The following TCL1A variants were observed in gnomAD, a reference collection of about 807,000 sequenced individuals.
TCL1A encodes the protein T-cell leukemia/lymphoma protein 1A.
A neutral mutation model predicts 16.9 loss-of-function variants in TCL1A; 9 were observed. The observed-to-expected ratio is 0.53, with a 90% CI of 0.32 to 0.93. TCL1A has a LOEUF of 0.93. TCL1A is among the 40% of genes least tolerant of loss of function. The pLI is 0.04. For missense variants in TCL1A, 139 were observed against 153.0 expected (o/e 0.91, Z 0.48); for synonymous variants, 69 against 63.2 (o/e 1.09, Z -0.44).
At chr14:95,712,420 C>A in intron 1 of TCL1A, 24 bp from the exon 2 acceptor site, 1 of 1,574,860 alleles carries the variant, frequency 6.3e-7, no homozygotes, top group South Asian at 1.2e-5. Flanking sequence ...AAGGACAGGG[C>A]ATACTTTCAG....
chr14:95,711,070 C>T (rs1438653638), intron 3 of TCL1A, among the ~76,000 whole-genome samples, 189 bp from the exon 4 acceptor site: 2 of 152,112 alleles, frequency 1.3e-5, no homozygotes, highest in Admixed American at 6.5e-5. Flanking sequence ...TACTTCAACT[C>T]ATTTCTGAGT....
rs759883480 is a variant in TCL1A at position 95,711,765 on chromosome 14, GGCA to G, written c.332_334del (p.Leu111del). 244 of 1,613,118 alleles carry G rather than the reference GGCA, an allele frequency of 1.5e-4. 1 individual carries two copies. Among genetic ancestry groups the G allele is most frequent in the Non-Finnish European group, 1.9e-4 (225 of 1,179,978 alleles). ...GGAGCTCACCATACATCAGTCATCT[GGCA>G]GCAGCTCGAGAAGCATGTCCTCCAC... On this transcript the variant is annotated inframe_deletion, in exon 3 of 4. Transcript: ENST00000402399.
chr14:95,713,558 G>A (rs922554193), intron 1 of TCL1A, among the ~76,000 whole-genome samples: 1 of 152,166 alleles, frequency 6.6e-6, no homozygotes, highest in Non-Finnish European at 1.5e-5. Flanking sequence ...CTAAACTGTT[G>A]AGGGTTCTTT....
intron 1 of TCL1A, among the ~76,000 whole-genome samples, chr14:95,713,728 CA>C (rs762516201): frequency 6.6e-6 from 1 of 152,192 alleles, no homozygotes; most frequent in Non-Finnish European, 1.5e-5. Context: ...GCACTGGGTC[CA>C]CCCCTTTGAC....
rs561192375 is a variant in TCL1A at position 95,713,157 on chromosome 14, C to A, written c.121-761G>T. On this transcript the variant is annotated intron_variant, in intron 1 of 3. Coordinates refer to ENST00000402399, the MANE Select transcript of TCL1A (RefSeq NM_021966.3). ...TACCTACTAGCAATCTTACCTCGGA[C>A]AAATGTACATTTTTGTGCCTCAGTT... Among the ~76,000 whole-genome samples, 963 of 152,320 alleles carry A rather than the reference C, an allele frequency of 6.3e-3. 13 individuals are homozygous for A. The highest frequency in any genetic ancestry group is 9.7e-3 in the Non-Finnish European group (659 of 68,036).
intron 3 of TCL1A, 105 bp downstream of exon 3, chr14:95,711,644 C>A: frequency 7.5e-7 from 1 of 1,325,698 alleles, no homozygotes. Context: ...CCTCAGATGG[C>A]AGCAGTCGGG....
rs975684815 is a variant in TCL1A, at chr14:95,712,238, G to C, written c.279C>G (p.Arg93=). ...CACTCACCTTGATGTGGTACACTAA[G>C]CGCCAGAAACTGGAGTCTGAGGATC... ...RYRSSDSSFW[R]LVYHIKIDGV... is the part of the protein sequence containing the mutation. The change falls in exon 2 of 4, where the codon CGC becomes CGG. Residue 93 remains arginine (R), a synonymous_variant. Coordinates refer to ENST00000402399, the MANE Select transcript of TCL1A (RefSeq NM_021966.3). 10 of 1,614,022 alleles carry C rather than the reference G, an allele frequency of 6.2e-6. No homozygotes were observed. The African/African-American group carries it at 1.2e-4, about 19-fold the overall frequency.
rs142205645 is a variant in TCL1A at position 95,711,811 on chromosome 14, CAG to C, written c.298-11_298-10del. 3.8e-3 allele frequency: 5,125 copies of C among 1,340,946 alleles called. No individual in the cohort carries two copies. The highest frequency in any genetic ancestry group is 0.01 in the Admixed American group (499 of 49,090). The allele number at this position is 1,340,946 out of a possible 1,614,324, so 83.1% of individuals were successfully genotyped here. A position where few individuals can be genotyped will look rare whatever the true frequency, so the allele number is the denominator to read the frequency against. On this transcript the variant is annotated splice_polypyrimidine_tract_variant and intron_variant, in intron 2 of 3. Transcript: ENST00000402399. ...TCCTCCACGCCGTCAATCTGAGAGG[CAG>C]AGAGAGAGAGAAGGCATTGATCGGC...
At chr14:95,712,441 C>T in intron 1 of TCL1A, 45 bp from the exon 2 acceptor site, 1 of 1,555,470 alleles carries the variant, frequency 6.4e-7, no homozygotes, top group Non-Finnish European at 8.7e-7. Flanking sequence ...GTTCCGCTTG[C>T]CAGGGCTTCT....
At chr14:95,713,533 T>C (rs1886441608) in intron 1 of TCL1A, among the ~76,000 whole-genome samples, 1 of 152,328 alleles carries the variant, frequency 6.6e-6, no homozygotes, top group East Asian at 1.9e-4. Flanking sequence ...CAGTGTTTGC[T>C]ATGCCTGGTT....
At chr14:95,713,207 C>T (rs182521834) in intron 1 of TCL1A, among the ~76,000 whole-genome samples, 1 of 152,270 alleles carries the variant, frequency 6.6e-6, no homozygotes, top group Non-Finnish European at 1.5e-5. Flanking sequence ...ACACAGTCAA[C>T]ACTCAATAAT....
At position 95,711,837 on chromosome 14, in the gene TCL1A, G is replaced by C. The variant is rs1296539643; in HGVS notation, c.298-35C>G. 3.1e-6 allele frequency: 5 copies of C among 1,601,682 alleles called. No individual in the cohort carries two copies. In the South Asian group the frequency reaches 5.5e-5, roughly 18 times the overall value. On this transcript the variant is annotated intron_variant, in intron 2 of 3. Coordinates refer to ENST00000402399, the MANE Select transcript of TCL1A (RefSeq NM_021966.3). ...AGAGAGAGAGAGAAGGCATTGATCG[G>C]CCAGAGCCCTCCACTCCCTCCATTC...
Position 95,714,116 on chromosome 14 carries a change from C to T in TCL1A, c.-50G>A, listed in dbSNP as rs749612170. 1.4e-5 allele frequency: 23 copies of T among 1,603,790 alleles called. 1 individual carries two copies. Among genetic ancestry groups the T allele is most frequent in the Non-Finnish European group, 2.0e-5 (23 of 1,176,840 alleles). On this transcript the variant is annotated 5_prime_UTR_variant, in exon 1 of 4. Transcript: ENST00000402399. ...CAAGAGCCAGAGCCTCTCAAGGCCG[C>T]TCGCTGGTCCCTGGGATGTGGGGCC... is the stretch of plus-strand genomic sequence containing the variant.
At chr14:95,713,245 C>T (rs572287421) in intron 1 of TCL1A, among the ~76,000 whole-genome samples, 1 of 152,198 alleles carries the variant, frequency 6.6e-6, no homozygotes, top group Non-Finnish European at 1.5e-5. Flanking sequence ...CATACGTGTT[C>T]TAATATATTT....
chr14:95,712,169 G>A (rs1302444009), intron 2 of TCL1A, 51 bp downstream of exon 2: 2 of 1,607,244 alleles, frequency 1.2e-6, no homozygotes, highest in Admixed American at 1.7e-5. Flanking sequence ...CAGACATGGA[G>A]GAGGGCAAAC....
intron 1 of TCL1A, among the ~76,000 whole-genome samples, chr14:95,712,981 C>A (rs1286731116): frequency 6.6e-6 from 1 of 152,000 alleles, no homozygotes; most frequent in Non-Finnish European, 1.5e-5. Context: ...AAAAAGAAAT[C>A]CACTGAATCT....
chr14:95,710,885 GAGA>G lies in TCL1A; in HGVS notation c.*7-7_*7-5del, dbSNP rs1241040495. The G allele has an allele frequency of 6.5e-6, 1 of 153,072 alleles. No homozygotes were observed. The highest frequency in any genetic ancestry group is 1.9e-4 in the East Asian group (1 of 5,228). The allele number at this position is 153,072 out of a possible 1,614,324, so 9.5% of individuals were successfully genotyped here. On this transcript the variant is annotated splice_region_variant and splice_polypyrimidine_tract_variant and intron_variant, in intron 3 of 3. Coordinates refer to ENST00000402399, the MANE Select transcript of TCL1A (RefSeq NM_021966.3). ...AGGAGACAGGTGCTGCCAAGACCTGGAGAAGGACAAAAGAAGACAGAATCAAGG... is the reference window on the plus strand; with the variant it reads ...AGGAGACAGGTGCTGCCAAGACCTGGAGGACAAAAGAAGACAGAATCAAGG...
intron 3 of TCL1A, 200 bp downstream of exon 3, chr14:95,711,549 A>T: frequency 3.5e-6 from 2 of 576,596 alleles, no homozygotes; most frequent in Non-Finnish European, 6.2e-6. Context: ...GCTGCGATAA[A>T]GGGGGCTGCC....
In TCL1A at chr14:95,711,732, G is replaced by T; in HGVS notation, c.*6+17C>A. 6.2e-7 allele frequency: 1 copy of T among 1,612,560 alleles called. No individual in the cohort carries two copies. Among genetic ancestry groups the T allele is most frequent in the Non-Finnish European group, 8.5e-7 (1 of 1,179,670 alleles). On this transcript the variant is annotated intron_variant, in intron 3 of 3. Transcript: ENST00000402399. The stretch of plus-strand genomic sequence containing the variant: ...GCCACTGTGGACTAAGAGGGGTCAG[G>T]CTCCAGTGGAGCTCACCATACATCA...
Sources: allele counts gnomAD v4.1 joint callset (sites outside exome capture counted in the v4.1 genomes callset), GRCh38; gene constraint gnomAD v4.1.1; transcripts MANE v1.5; gene names NCBI Gene and HGNC (gene_info 2026-07-23, HGNC 2026-07-21).